Variants in CRTC1 observed in about 807,000 individuals in gnomAD.
CRTC1 encodes CREB regulated transcription coactivator 1, also known as CREB-regulated transcription coactivator 1.
CRTC1 carries 18 observed loss-of-function variants against 66.1 expected under a neutral mutation model. That is an observed-to-expected ratio of 0.27 (90% confidence interval 0.19 to 0.40). CRTC1 has a LOEUF of 0.40. CRTC1 is among the 10% of genes least tolerant of loss of function. CRTC1 has a pLI of 1.00. For synonymous variants in CRTC1, 416 were observed against 398.8 expected (o/e 1.04, Z -0.51); for missense variants, 669 against 887.9 (o/e 0.75, Z 3.13).
chr19:18,703,753 G>A (rs1398797339), intron 1 of CRTC1, among the ~76,000 whole-genome samples: 5 of 151,994 alleles, frequency 3.3e-5, no homozygotes, highest in African/African-American at 9.7e-5. Flanking sequence ...TTGAGCCACC[G>A]TGCCTGGCTA....
At chr19:18,697,556 C>T (rs1029743623) in intron 1 of CRTC1, among the ~76,000 whole-genome samples, 1 of 152,234 alleles carries the variant, frequency 6.6e-6, no homozygotes, top group Non-Finnish European at 1.5e-5. Context: ...GTAATTCTCC[C>T]TCCTTGGCCT....
chr19:18,718,501 T>TG (rs1365328915), intron 1 of CRTC1, among the ~76,000 whole-genome samples: 1 of 150,158 alleles, frequency 6.7e-6, no homozygotes, highest in Non-Finnish European at 1.5e-5. Flanking sequence ...CATGCATGCC[T>TG]GGCTAATTTT....
intron 1 of CRTC1, among the ~76,000 whole-genome samples, chr19:18,742,446 T>C (rs2054132216): frequency 6.6e-6 from 1 of 152,180 alleles, no homozygotes; most frequent in Non-Finnish European, 1.5e-5. Flanking sequence ...TCCCACGCTT[T>C]GAAGGCCATC....
At chr19:18,732,813 G>A (rs1168344464) in intron 1 of CRTC1, among the ~76,000 whole-genome samples, 1 of 152,116 alleles carries the variant, frequency 6.6e-6, no homozygotes, top group African/African-American at 2.4e-5. Flanking sequence ...ACAGGAGGCC[G>A]GGTGTGGTGG....
chr19:18,743,767 G>A (rs963749463), intron 2 of CRTC1, among the ~76,000 whole-genome samples: 1 of 152,250 alleles, frequency 6.6e-6, no homozygotes, highest in Non-Finnish European at 1.5e-5. Context: ...GCTGGACAGG[G>A]CAGGGATCCT....
At chr19:18,722,610 T>C (rs1487322247) in intron 1 of CRTC1, among the ~76,000 whole-genome samples, 1 of 152,162 alleles carries the variant, frequency 6.6e-6, no homozygotes, top group Non-Finnish European at 1.5e-5. Context: ...GGCCACCAGT[T>C]TTTGAATGGA....
intron 1 of CRTC1, among the ~76,000 whole-genome samples, chr19:18,726,463 C>T (rs901208843): frequency 2.6e-5 from 4 of 152,308 alleles, no homozygotes; most frequent in African/African-American, 9.6e-5. Flanking sequence ...TGGAGGTGAC[C>T]TGGGGTTTGG....
At chr19:18,688,666 G>A (rs145985200) in intron 1 of CRTC1, among the ~76,000 whole-genome samples, 148 of 152,128 alleles carry the variant, frequency 9.7e-4, no homozygotes, top group African/African-American at 3.4e-3. Context: ...TTGAACTCCC[G>A]ACCTCAGGTG....
chr19:18,747,129 A>ACCCC lies in CRTC1; in HGVS notation c.443+22_443+25dup, dbSNP rs56040769. The ACCCC allele has an allele frequency of 1.6e-4, 174 of 1,109,872 alleles. No individual in the cohort carries two copies. In the African/African-American group the frequency reaches 2.6e-3, roughly 16 times the overall value. 68.8% of individuals were successfully genotyped at this position (1,109,872 alleles called of 1,614,324 possible). A position where few individuals can be genotyped will look rare whatever the true frequency, so the allele number is the denominator to read the frequency against. Reference sequence around the variant, plus strand: ...AGCTGGAGAAGGTCAGTGGCTGGACACCCCCCCCCCGCCCCCTTCTTGTTG... The same window carrying ACCCC: ...AGCTGGAGAAGGTCAGTGGCTGGACACCCCCCCCCCCCCCGCCCCCTTCTTGTTG... On this transcript the variant is annotated intron_variant, in intron 4 of 13. Coordinates refer to ENST00000321949, the MANE Select transcript of CRTC1 (RefSeq NM_015321.3).
chr19:18,704,255 C>G (rs1466936166), intron 1 of CRTC1, among the ~76,000 whole-genome samples: 2 of 152,144 alleles, frequency 1.3e-5, no homozygotes, highest in Admixed American at 1.3e-4. Context: ...TGGGACTACA[C>G]CATCATGCCT....
Position 18,768,883 on chromosome 19 carries a change from A to C in CRTC1, c.1320+90A>C. ...GCAGAACAGTCGGGTTACCTGCTGC[A>C]TGGGCCAGGGGTCAGAACCCCAGCG... On this transcript the variant is annotated intron_variant, in intron 10 of 13. Transcript: ENST00000321949. This position sits in a 1 kb window ranked among gnomAD's most constrained non-coding sequence, Gnocchi z 5.6. The C allele has an allele frequency of 6.8e-7, 1 of 1,463,792 alleles. No homozygotes were observed. The allele number at this position is 1,463,792 out of a possible 1,614,324, so 90.7% of individuals were successfully genotyped here.
intron 1 of CRTC1, among the ~76,000 whole-genome samples, chr19:18,687,224 A>G (rs925742203): frequency 7.2e-5 from 11 of 151,984 alleles, no homozygotes; most frequent in Non-Finnish European, 1.0e-4. Context: ...AGTAGAGACC[A>G]TGTTGGCCAG....
chr19:18,756,390 TAA>T (rs2054490109), intron 6 of CRTC1, among the ~76,000 whole-genome samples: 1 of 147,524 alleles, frequency 6.8e-6, no homozygotes, highest in South Asian at 2.1e-4. Context: ...CTCGTGCCTG[TAA>T]TCTCAACACT....
chr19:18,688,284 T>G (rs565593168), intron 1 of CRTC1, among the ~76,000 whole-genome samples: 2 of 151,780 alleles, frequency 1.3e-5, no homozygotes, highest in African/African-American at 4.8e-5. Flanking sequence ...GCACTTCAGA[T>G]TGGGGACAGG....
Position 18,777,432 on chromosome 19 carries a change from A to C in CRTC1, c.*50A>C. On this transcript the variant is annotated 3_prime_UTR_variant, in exon 14 of 14. Transcript: ENST00000321949. This position sits in a 1 kb window ranked among gnomAD's most constrained non-coding sequence, Gnocchi z 5.5. ...TCAGCCGTCCCGACGGCGCCTCCCC[A>C]GCCCGGGGACGGCCGTGCTCCGTCC... 1 of 1,525,180 alleles carries C rather than the reference A, an allele frequency of 6.6e-7. No homozygotes were observed. The highest frequency in any genetic ancestry group is 9.0e-7 in the Non-Finnish European group (1 of 1,113,616). The allele number at this position is 1,525,180 out of a possible 1,614,324, so 94.5% of individuals were successfully genotyped here.
At chr19:18,704,601 A>G (rs2053219290) in intron 1 of CRTC1, among the ~76,000 whole-genome samples, 1 of 151,910 alleles carries the variant, frequency 6.6e-6, no homozygotes. Flanking sequence ...AATCCCAGCT[A>G]CTCGGGATGC....
At chr19:18,740,535 T>C (rs1474543730) in intron 1 of CRTC1, among the ~76,000 whole-genome samples, 3 of 152,178 alleles carry the variant, frequency 2.0e-5, no homozygotes, top group Non-Finnish European at 4.4e-5. Flanking sequence ...GTGAGCAGAC[T>C]CTGCCATAGC....
intron 6 of CRTC1, among the ~76,000 whole-genome samples, chr19:18,754,115 AAAAG>A (rs1045438758): frequency 6.6e-6 from 1 of 152,106 alleles, no homozygotes; most frequent in Non-Finnish European, 1.5e-5. Context: ...AAAAAAAAAA[AAAAG>A]AATTAAAACC....
At chr19:18,704,970 C>T in intron 1 of CRTC1, among the ~76,000 whole-genome samples, 1 of 150,396 alleles carries the variant, frequency 6.6e-6, no homozygotes, top group East Asian at 2.0e-4. Context: ...TGGCAACCAC[C>T]ATCCTATTTT....
Sources: gnomAD v4.1 joint callset for allele counts (sites outside exome capture counted in the v4.1 genomes callset) on GRCh38, gnomAD v4.1.1 for gene constraint, Gnocchi (gnomAD v3.1) non-coding constraint, MANE v1.5 for transcripts, NCBI Gene and HGNC (gene_info 2026-07-23, HGNC 2026-07-21) for gene names.